CFAP47: variants seen among roughly 807,000 people sequenced by gnomAD.
The protein encoded by CFAP47 is cilia and flagella associated protein 47.
CFAP47 carries 29 observed loss-of-function variants against 148.1 expected under a neutral mutation model. The ratio of observed to expected loss-of-function variants is 0.20; its 90% confidence interval spans 0.15 to 0.27. CFAP47 has a LOEUF of 0.27. Ranked by LOEUF, CFAP47 falls within the 10% of genes least tolerant of loss-of-function variation. The probability of loss-of-function intolerance (pLI) is 1.00; values close to 1 mark genes in which losing one functional copy is unlikely to be tolerated. For synonymous variants in CFAP47, 664 were observed against 577.3 expected, an observed-to-expected ratio of 1.15 and a Z score of -2.15; for missense variants, 1,872 against 1,697.5, an observed-to-expected ratio of 1.10 and a Z score of -1.81.
At chrX:36,056,276 A>G (rs1402853533) in intron 26 of CFAP47, among the ~76,000 whole-genome samples, 1 of 112,284 alleles carries the variant, frequency 8.9e-6, no homozygotes, top group Non-Finnish European at 1.9e-5. Context: ...AAAGAGTGAT[A>G]TGTGACATAT....
intron 3 of CFAP47, among the ~76,000 whole-genome samples, chrX:35,947,842 CA>C (rs1466625949): frequency 9.0e-6 from 1 of 111,690 alleles, no homozygotes; most frequent in East Asian, 2.8e-4. Flanking sequence ...ATAACCTATG[CA>C]GAGCTCTTAA....
intron 57 of CFAP47, among the ~76,000 whole-genome samples, chrX:36,333,932 T>G (rs1389644999): frequency 9.0e-6 from 1 of 111,578 alleles, no homozygotes; most frequent in African/African-American, 3.3e-5. Flanking sequence ...TTCCCCTACC[T>G]TATCTAATAC....
At chrX:36,383,789 T>C (rs1036897579) in intron 63 of CFAP47, among the ~76,000 whole-genome samples, 63 of 110,023 alleles carry the variant, frequency 5.7e-4, no homozygotes, top group Middle Eastern at 4.7e-3. Flanking sequence ...GTTGCAATAT[T>C]CACTTTGTCT....
chrX:36,271,838 G>A (rs1293799546), intron 49 of CFAP47, among the ~76,000 whole-genome samples: 2 of 111,347 alleles, frequency 1.8e-5, no homozygotes, highest in Non-Finnish European at 3.8e-5. Context: ...TTTACAGAAA[G>A]TTTATGGGAA....
intron 63 of CFAP47, chrX:36,379,805 G>A (rs1254726100): frequency 4.6e-6 from 1 of 216,856 alleles, no homozygotes; most frequent in African/African-American, 2.9e-5. Flanking sequence ...TGACTGTAAA[G>A]TGATTTGTAT....
At chrX:35,936,810 G>A (rs1935920884) in intron 2 of CFAP47, among the ~76,000 whole-genome samples, 1 of 110,555 alleles carries the variant, frequency 9.0e-6, no homozygotes, top group Non-Finnish European at 1.9e-5. Context: ...TTCTGCTGGT[G>A]CTTCCTGAAG....
At position 36,244,023 on chromosome X, in the gene CFAP47, C is replaced by A. The variant is rs374411387; in HGVS notation, c.7332+7164C>A. On this transcript the variant is annotated intron_variant, in intron 48 of 63. Coordinates refer to ENST00000378653, the MANE Select transcript of CFAP47 (RefSeq NM_001304548.2). The stretch of plus-strand genomic sequence containing the variant: ...ATACGTTAAAAAACAAAACAAAACT[C>A]ATGCCCAGCACATTCTCAGATCACA... Among the ~76,000 whole-genome samples the A allele has an allele frequency of 5.4e-5, 6 of 110,913 alleles. No homozygotes were observed. In the South Asian group the frequency reaches 1.5e-3, roughly 28 times the overall value.
chrX:36,089,905 TAAATG>T (rs1489583904), intron 30 of CFAP47, among the ~76,000 whole-genome samples: 1 of 112,265 alleles, frequency 8.9e-6, no homozygotes, highest in Non-Finnish European at 1.9e-5. Flanking sequence ...TTATTGTTGT[TAAATG>T]AAATGAATTA....
At chrX:36,226,078 T>C (rs2011126005) in intron 45 of CFAP47, among the ~76,000 whole-genome samples, 1 of 111,749 alleles carries the variant, frequency 8.9e-6, no homozygotes, top group Admixed American at 9.5e-5. Flanking sequence ...ATTTTTTTGT[T>C]CGTTTGTTTT....
At chrX:36,182,003 G>A (rs1460242912) in intron 40 of CFAP47, among the ~76,000 whole-genome samples, 16 of 112,384 alleles carry the variant, frequency 1.4e-4, no homozygotes, top group Admixed American at 1.4e-3. Context: ...CTAAAGAGAA[G>A]AAGTTACTAT....
chrX:36,288,864 C>T, intron 51 of CFAP47, among the ~76,000 whole-genome samples: 1 of 111,371 alleles, frequency 9.0e-6, no homozygotes, highest in Admixed American at 9.5e-5. Flanking sequence ...GAGACTTTGT[C>T]TCTAGTAAAC....
intron 60 of CFAP47, among the ~76,000 whole-genome samples, chrX:36,357,845 T>C (rs1301087489): frequency 8.9e-6 from 1 of 111,854 alleles, no homozygotes; most frequent in African/African-American, 3.2e-5. Flanking sequence ...TCATGCCCCT[T>C]AATTTTATTT....
rs1214248803 is a variant in CFAP47, at chrX:36,292,934, ATGTAATG to A, written c.7687-6041_7687-6035del. Among the ~76,000 whole-genome samples, 7 of 111,423 alleles carry A rather than the reference ATGTAATG, an allele frequency of 6.3e-5. No individual in the cohort carries two copies. The East Asian group carries it at 1.9e-3, about 31-fold the overall frequency. ...TCAATAATTATATATAATATGTAAT[ATGTAATG>A]TACAATATGTAATACATAATATATA... On this transcript the variant is annotated intron_variant, in intron 51 of 63. Transcript: ENST00000378653.
chrX:36,142,636 T>C (rs1939161971), intron 35 of CFAP47, among the ~76,000 whole-genome samples: 1 of 111,986 alleles, frequency 8.9e-6, no homozygotes, highest in African/African-American at 3.2e-5. Context: ...AAGGTAAGAA[T>C]GCTCTTTTAT....
At chrX:36,036,717 T>C (rs780643832) in intron 24 of CFAP47, among the ~76,000 whole-genome samples, 2 of 112,034 alleles carry the variant, frequency 1.8e-5, no homozygotes, top group South Asian at 7.4e-4. Flanking sequence ...TGTGGTAATC[T>C]AGATAAAATA....
chrX:36,018,352 T>C (rs1235404889), intron 22 of CFAP47, among the ~76,000 whole-genome samples: 1 of 112,291 alleles, frequency 8.9e-6, no homozygotes, highest in Non-Finnish European at 1.9e-5. Flanking sequence ...CCTTTATTTC[T>C]TTCTCTTGTT....
intron 24 of CFAP47, among the ~76,000 whole-genome samples, chrX:36,038,179 A>T (rs1255873999): frequency 9.0e-6 from 1 of 111,707 alleles, no homozygotes; most frequent in Non-Finnish European, 1.9e-5. Flanking sequence ...GTCTTGCATC[A>T]CCCAGTGCAC....
intron 39 of CFAP47, 81 bp downstream of exon 39, chrX:36,160,850 C>CT (rs147566241): frequency 0.028 from 4,374 of 154,404 alleles, 5 homozygotes; most frequent in Middle Eastern, 0.038. Context: ...TTCTTTCTTT[C>CT]TTTTTTTTTT....
At chrX:35,931,483 C>T in intron 2 of CFAP47, among the ~76,000 whole-genome samples, 1 of 111,543 alleles carries the variant, frequency 9.0e-6, no homozygotes, top group East Asian at 2.8e-4. Context: ...ATATTTCGAC[C>T]TCTGTCTTTG....
Sources: allele counts gnomAD v4.1 joint callset (sites outside exome capture counted in the v4.1 genomes callset), GRCh38; gene constraint gnomAD v4.1.1; transcripts MANE v1.5; gene names NCBI Gene and HGNC (gene_info 2026-07-23, HGNC 2026-07-21).